Variants in TNFAIP8 observed in about 807,000 individuals in gnomAD.
TNFAIP8 encodes the protein tumor necrosis factor alpha-induced protein 8.
TNFAIP8 carries 7 observed loss-of-function variants against 13.3 expected under a neutral mutation model. The observed-to-expected ratio is 0.52, with a 90% CI of 0.30 to 0.99. The LOEUF is 0.99. TNFAIP8 is among the 50% of genes least tolerant of loss of function. The pLI is 0.07. For synonymous variants in TNFAIP8, 94 were observed against 87.6 expected (o/e 1.07, Z -0.41); for missense variants, 258 against 236.9 (o/e 1.09, Z -0.58).
At chr5:119,319,590 G>A (rs1198852136) in intron 1 of TNFAIP8, among the ~76,000 whole-genome samples, 1 of 152,178 alleles carries the variant, frequency 6.6e-6, no homozygotes, top group Non-Finnish European at 1.5e-5. Context: ...GATGGAGAGA[G>A]AGATAATTAA....
intron 1 of TNFAIP8, among the ~76,000 whole-genome samples, chr5:119,271,030 A>T (rs1167573770): frequency 6.6e-6 from 1 of 152,106 alleles, no homozygotes; most frequent in African/African-American, 2.4e-5. Context: ...TCTATTTCAG[A>T]CTATATTGCT....
intron 1 of TNFAIP8, among the ~76,000 whole-genome samples, chr5:119,371,640 A>G (rs908485606): frequency 2.6e-5 from 4 of 152,230 alleles, no homozygotes; most frequent in Non-Finnish European, 5.9e-5. Context: ...TTCTCTAAGC[A>G]TGTACTTTTT....
At chr5:119,280,768 C>T (rs972278979) in intron 1 of TNFAIP8, among the ~76,000 whole-genome samples, 11 of 152,138 alleles carry the variant, frequency 7.2e-5, no homozygotes, top group African/African-American at 1.9e-4. Flanking sequence ...TAAGGATAGA[C>T]GCCTTTTCAA....
At chr5:119,392,690 G>A in intron 1 of TNFAIP8, 126 bp from the exon 2 acceptor site, 1 of 1,160,920 alleles carries the variant, frequency 8.6e-7, no homozygotes, top group Non-Finnish European at 1.2e-6. Context: ...GTCGGTAGAT[G>A]TAAGACAAAC....
intron 1 of TNFAIP8, among the ~76,000 whole-genome samples, chr5:119,338,373 A>G (rs941555291): frequency 6.6e-6 from 1 of 152,198 alleles, no homozygotes; most frequent in Non-Finnish European, 1.5e-5. Flanking sequence ...GAGGAAGATC[A>G]GGGACCCAGG....
chr5:119,284,418 C>G (rs934164413), intron 1 of TNFAIP8, among the ~76,000 whole-genome samples: 4 of 152,084 alleles, frequency 2.6e-5, no homozygotes, highest in African/African-American at 9.7e-5. Flanking sequence ...TTAGGCCAGG[C>G]ACCTATAATC....
chr5:119,339,052 C>CAA (rs11366242), intron 1 of TNFAIP8, among the ~76,000 whole-genome samples: 110 of 146,626 alleles, frequency 7.5e-4, no homozygotes, highest in African/African-American at 2.6e-3. Flanking sequence ...TCTCTTAAAA[C>CAA]AAAAAAAAAA....
chr5:119,341,102 T>C lies in TNFAIP8; in HGVS notation c.2-51714T>C, dbSNP rs562185293. 1.1e-3 allele frequency among the ~76,000 whole-genome samples: 163 copies of C among 152,050 alleles called. 4 individuals carry two copies. The South Asian group carries it at 0.032, about 30-fold the overall frequency. On this transcript the variant is annotated intron_variant, in intron 1 of 1. Transcript: ENST00000274456. ...TGGTCTCCTGCTTTTTTTTTTTTTTTTTTAAATCTGATTACAATGGTGTTG... is the reference window on the plus strand; with the variant it reads ...TGGTCTCCTGCTTTTTTTTTTTTTTCTTTAAATCTGATTACAATGGTGTTG...
intron 1 of TNFAIP8, among the ~76,000 whole-genome samples, chr5:119,300,532 A>G (rs6897511): frequency 0.24 from 35,804 of 152,160 alleles, 8,365 homozygotes; most frequent in African/African-American, 0.61. Flanking sequence ...TCAGTCTATT[A>G]TCAAAGCATA....
intron 1 of TNFAIP8, among the ~76,000 whole-genome samples, chr5:119,365,664 A>T (rs1454362736): frequency 6.6e-6 from 1 of 152,208 alleles, no homozygotes; most frequent in African/African-American, 2.4e-5. Flanking sequence ...TTTGATAGCA[A>T]AATATTAGTG....
chr5:119,380,831 A>T (rs1580442881), intron 1 of TNFAIP8, among the ~76,000 whole-genome samples: 2 of 152,170 alleles, frequency 1.3e-5, no homozygotes, highest in Non-Finnish European at 2.9e-5. Flanking sequence ...ACTTTATCAA[A>T]TTTTTTTAAA....
At chr5:119,307,749 G>A (rs1378739794) in intron 1 of TNFAIP8, among the ~76,000 whole-genome samples, 1 of 152,144 alleles carries the variant, frequency 6.6e-6, no homozygotes, top group Non-Finnish European at 1.5e-5. Context: ...GGAAATGCAA[G>A]TGTATTTTAG....
At chr5:119,295,240 TCTAAC>T (rs1162471260) in intron 1 of TNFAIP8, among the ~76,000 whole-genome samples, 1 of 53,848 alleles carries the variant, frequency 1.9e-5, no homozygotes, top group African/African-American at 2.2e-4. Context: ...GACCTATAGG[TCTAAC>T]GTTTAGTCTA....
chr5:119,391,505 A>T (rs1484974549), intron 1 of TNFAIP8: 1 of 685,604 alleles, frequency 1.5e-6, no homozygotes. Context: ...CATGCCTGTA[A>T]TCCCAGCACT....
chr5:119,364,190 C>T (rs1049269959), intron 1 of TNFAIP8, among the ~76,000 whole-genome samples: 19 of 152,172 alleles, frequency 1.2e-4, no homozygotes, highest in African/African-American at 4.1e-4. Flanking sequence ...GTCTGCTAAC[C>T]ATTCCCCATT....
At chr5:119,314,418 T>C (rs895558157) in intron 1 of TNFAIP8, among the ~76,000 whole-genome samples, 1 of 152,240 alleles carries the variant, frequency 6.6e-6, no homozygotes, top group South Asian at 2.1e-4. Flanking sequence ...CTCTGTCATA[T>C]ACACATGCAC....
At position 119,299,064 on chromosome 5, in the gene TNFAIP8, A is replaced by G. The variant is rs141999063; in HGVS notation, c.1+30157A>G. Among the ~76,000 whole-genome samples, 960 of 152,286 alleles carry G rather than the reference A, an allele frequency of 6.3e-3. 14 individuals carry two copies. The highest frequency in any genetic ancestry group is 0.063 in the East Asian group (325 of 5,184). ...GCCTTTGGTTTGAATTTCCTCCTGT[A>G]GCTCAGAGGAGTTTGATGGTCTGAA... is the stretch of plus-strand genomic sequence containing the variant. On this transcript the variant is annotated intron_variant, in intron 1 of 1. Transcript: ENST00000274456.
intron 1 of TNFAIP8, among the ~76,000 whole-genome samples, chr5:119,369,361 T>G (rs987356807): frequency 1.3e-5 from 2 of 152,294 alleles, no homozygotes. Flanking sequence ...GCCCAAACTT[T>G]CATTGAGTTA....
chr5:119,291,038 T>C (rs1748969741), intron 1 of TNFAIP8, among the ~76,000 whole-genome samples: 1 of 152,156 alleles, frequency 6.6e-6, no homozygotes, highest in African/African-American at 2.4e-5. Flanking sequence ...TATTTTAGCT[T>C]TAGTTTGTGT....
Sources: allele counts gnomAD v4.1 joint callset (sites outside exome capture counted in the v4.1 genomes callset), GRCh38; gene constraint gnomAD v4.1.1; transcripts MANE v1.5; gene names NCBI Gene and HGNC (gene_info 2026-07-23, HGNC 2026-07-21).